The following NLGN1 variants were observed in gnomAD, a reference collection of about 807,000 sequenced individuals.
NLGN1 encodes neuroligin 1, also known as neuroligin-1.
In NLGN1, 12 loss-of-function variants were observed where a neutral mutation model predicts 65.5. The observed-to-expected ratio is 0.18, with a 90% confidence interval of 0.12 to 0.30. The LOEUF (loss-of-function observed/expected upper bound fraction) is 0.30. Ranked by LOEUF, NLGN1 falls within the 10% of genes least tolerant of loss-of-function variation. The pLI, the probability that NLGN1 is intolerant of heterozygous loss-of-function variation, is 1.00. For synonymous variants in NLGN1, 350 were observed against 359.5 expected, an observed-to-expected ratio of 0.97 and a Z score of 0.30; for missense variants, 750 against 1,007.1, an observed-to-expected ratio of 0.74 and a Z score of 3.46.
intron 3 of NLGN1, among the ~76,000 whole-genome samples, chr3:173,756,589 A>G (rs933682186): frequency 1.3e-5 from 2 of 151,788 alleles, no homozygotes; most frequent in Admixed American, 1.3e-4. Flanking sequence ...AATAGTGACA[A>G]AGCAGAAGCA....
intron 4 of NLGN1, among the ~76,000 whole-genome samples, chr3:173,876,430 G>C (rs1578929457): frequency 6.6e-6 from 1 of 152,188 alleles, no homozygotes; most frequent in East Asian, 1.9e-4. Flanking sequence ...TCATCAAATT[G>C]AAACACTTCT....
intron 4 of NLGN1, among the ~76,000 whole-genome samples, chr3:173,908,802 G>A (rs1219166826): frequency 6.6e-6 from 1 of 152,116 alleles, no homozygotes; most frequent in Admixed American, 6.5e-5. Context: ...TTGAGATGAT[G>A]GCATTGCGTT....
intron 2 of NLGN1, among the ~76,000 whole-genome samples, chr3:173,523,918 T>C (rs1735188587): frequency 8.0e-6 from 1 of 125,242 alleles, no homozygotes; most frequent in Non-Finnish European, 1.6e-5. Flanking sequence ...AATTTCTTTC[T>C]TTCCTTTTTT....
intron 2 of NLGN1, among the ~76,000 whole-genome samples, chr3:173,516,928 G>T (rs1733908745): frequency 1.3e-5 from 2 of 151,852 alleles, no homozygotes; most frequent in Admixed American, 6.6e-5. Flanking sequence ...ATTATATTAA[G>T]GATTCAAAAG....
chr3:173,719,999 A>C (rs1770558952), intron 3 of NLGN1, among the ~76,000 whole-genome samples: 1 of 152,132 alleles, frequency 6.6e-6, no homozygotes, highest in African/African-American at 2.4e-5. Flanking sequence ...CTATAGTCCC[A>C]GCTACTTTGA....
chr3:174,254,987 C>T (rs1389683793), intron 4 of NLGN1, among the ~76,000 whole-genome samples: 1 of 151,992 alleles, frequency 6.6e-6, no homozygotes, highest in Non-Finnish European at 1.5e-5. Context: ...TATGATACAC[C>T]TACTATATGT....
At chr3:174,107,256 C>T (rs1458840819) in intron 4 of NLGN1, among the ~76,000 whole-genome samples, 3 of 152,054 alleles carry the variant, frequency 2.0e-5, no homozygotes, top group African/African-American at 7.2e-5. Flanking sequence ...TCATGTTGCC[C>T]TTTTGTAGCC....
At chr3:173,990,529 A>G (rs1012359035) in intron 4 of NLGN1, among the ~76,000 whole-genome samples, 14 of 152,156 alleles carry the variant, frequency 9.2e-5, no homozygotes, top group Non-Finnish European at 1.8e-4. Context: ...ACAATCATCT[A>G]TCTTTTTAAA....
intron 4 of NLGN1, among the ~76,000 whole-genome samples, chr3:174,194,739 T>G (rs894466148): frequency 9.3e-5 from 14 of 150,930 alleles, no homozygotes; most frequent in African/African-American, 3.4e-4. Flanking sequence ...ACATTATCTT[T>G]TAGACCCATA....
At chr3:174,088,624 G>T (rs1448684658) in intron 4 of NLGN1, among the ~76,000 whole-genome samples, 4 of 151,574 alleles carry the variant, frequency 2.6e-5, no homozygotes, top group Admixed American at 6.6e-5. Flanking sequence ...GCGGTGGCAG[G>T]TGCCTGTAGT....
intron 3 of NLGN1, among the ~76,000 whole-genome samples, chr3:173,645,181 G>A (rs1267819924): frequency 6.6e-6 from 1 of 152,238 alleles, no homozygotes; most frequent in Non-Finnish European, 1.5e-5. Context: ...TACCTTCACA[G>A]AGGTCTGCTG....
chr3:173,584,787 A>AGTG (rs1553767062), intron 2 of NLGN1: 6 of 147,444 alleles, frequency 4.1e-5, no homozygotes, highest in Admixed American at 1.3e-4. Context: ...ATAAAAAAGG[A>AGTG]GGGGGGGGTG....
At chr3:173,966,980 A>G (rs1560740963) in intron 4 of NLGN1, among the ~76,000 whole-genome samples, 3 of 152,226 alleles carry the variant, frequency 2.0e-5, no homozygotes, top group Admixed American at 1.3e-4. Context: ...GAAAAAATTC[A>G]TATAGTTTGT....
At chr3:173,617,954 T>C (rs1753378312) in intron 3 of NLGN1, among the ~76,000 whole-genome samples, 1 of 152,168 alleles carries the variant, frequency 6.6e-6, no homozygotes. Context: ...CATCTACCTC[T>C]GTAAATAGGA....
chr3:174,036,294 A>G (rs904828916), intron 4 of NLGN1, among the ~76,000 whole-genome samples: 14 of 152,168 alleles, frequency 9.2e-5, no homozygotes, highest in African/African-American at 3.4e-4. Flanking sequence ...TGATTATGTG[A>G]TTTAGCAAGT....
chr3:173,645,884 G>A, intron 3 of NLGN1, among the ~76,000 whole-genome samples: 1 of 152,088 alleles, frequency 6.6e-6, no homozygotes, highest in East Asian at 1.9e-4. Context: ...ATTCTCCTCG[G>A]CCCCCACCCA....
intron 4 of NLGN1, among the ~76,000 whole-genome samples, chr3:174,138,188 C>T (rs879456069): frequency 6.6e-6 from 1 of 151,866 alleles, no homozygotes; most frequent in East Asian, 1.9e-4. Flanking sequence ...GGAATTTACC[C>T]GCATACTATA....
chr3:174,025,665 A>G (rs1338696140), intron 4 of NLGN1, among the ~76,000 whole-genome samples: 1 of 152,208 alleles, frequency 6.6e-6, no homozygotes, highest in East Asian at 1.9e-4. Flanking sequence ...GCAATATTTT[A>G]TATCAATCAG....
At chr3:174,171,757 C>G (rs1003520740) in intron 4 of NLGN1, among the ~76,000 whole-genome samples, 21 of 151,996 alleles carry the variant, frequency 1.4e-4, no homozygotes, top group African/African-American at 4.8e-4. Flanking sequence ...ATCAATTTAA[C>G]TCTTCTTTAA....
Sources: allele counts gnomAD v4.1 joint callset (sites outside exome capture counted in the v4.1 genomes callset), GRCh38; gene constraint gnomAD v4.1.1; transcripts MANE v1.5; gene names NCBI Gene and HGNC (gene_info 2026-07-23, HGNC 2026-07-21).